Variants in ZDBF2 observed in about 807,000 individuals in gnomAD.
ZDBF2 encodes the protein DBF4-type zinc finger-containing protein 2.
A neutral mutation model predicts 9.4 loss-of-function variants in ZDBF2; 6 were observed. That is an observed-to-expected ratio of 0.64 (90% CI 0.35 to 1.27). The LOEUF is 1.27. Among genes scored for constraint, ZDBF2 ranks in the 50% most tolerant of loss-of-function variants. The pLI is 0.03. For missense variants in ZDBF2, 2,697 were observed against 2,766.8 expected (o/e 0.97, Z 0.57); for synonymous variants, 905 against 946.3 (o/e 0.96, Z 0.80).
At position 206,304,833 on chromosome 2, in the gene ZDBF2, C is replaced by T; in HGVS notation, c.305C>T (p.Ala102Val). Reference protein sequence around the residue: ...EDEDKVEDEDATEERPSEVSE... With the variant: ...EDEDKVEDEDVTEERPSEVSE... ...GAGGATAAGGTTGAGGATGAGGATG[C>T]TACCGAAGAGAGACCATCCGAGGTT... The change falls in exon 5 of 5, where the codon GCT (alanine) becomes GTT (valine). Residue 102 changes from alanine to valine, a missense_variant. Ala to Val is a moderately conservative substitution (Grantham distance 64). This residue lies in a region of ZDBF2 where 910 missense variants were observed against 973.6 expected (regional missense o/e 0.93). Coordinates refer to ENST00000374423, the MANE Select transcript of ZDBF2 (RefSeq NM_020923.3). 2 of 1,613,674 alleles carry T rather than the reference C, an allele frequency of 1.2e-6. No homozygotes were observed. The highest frequency in any genetic ancestry group is 1.7e-6 in the Non-Finnish European group (2 of 1,179,764).
chr2:206,294,386 C>T (rs921468984), intron 3 of ZDBF2, among the ~76,000 whole-genome samples: 3 of 152,134 alleles, frequency 2.0e-5, no homozygotes, highest in Non-Finnish European at 4.4e-5. Flanking sequence ...TCTAAAGGAA[C>T]GGATACCTTA....
At chr2:206,275,727 T>G (rs912899427) in intron 1 of ZDBF2, among the ~76,000 whole-genome samples, 1 of 152,164 alleles carries the variant, frequency 6.6e-6, no homozygotes, top group Admixed American at 6.5e-5. Context: ...GGAGGGACGA[T>G]GGAGGCAGCC....
At chr2:206,285,922 A>G (rs956672578) in intron 3 of ZDBF2, among the ~76,000 whole-genome samples, 3 of 152,120 alleles carry the variant, frequency 2.0e-5, no homozygotes, top group Non-Finnish European at 4.4e-5. Context: ...CCCCCAACTT[A>G]TGGTATTGGT....
rs1692728578 is a variant in ZDBF2, at chr2:206,305,433, C to T, written c.905C>T (p.Ser302Phe). 6.2e-7 allele frequency: 1 copy of T among 1,613,184 alleles called. No homozygotes were observed. Among genetic ancestry groups the T allele is most frequent in the Admixed American group, 1.7e-5 (1 of 59,852 alleles). ...MGTKGSLRVK[S>F]PSKLAVNPNK... ...ACTAAGGGCTCCTTAAGAGTTAAAT[C>T]TCCTTCCAAATTAGCAGTAAACCCG... The change falls in exon 5 of 5, where the codon TCT (serine) becomes TTT (phenylalanine). Residue 302 changes from serine to phenylalanine, a missense_variant. By Grantham distance (155) the Ser-to-Phe change is radical. Transcript: ENST00000374423.
At chr2:206,291,388 A>C (rs1383603937) in intron 3 of ZDBF2, among the ~76,000 whole-genome samples, 7 of 152,186 alleles carry the variant, frequency 4.6e-5, no homozygotes, top group African/African-American at 1.7e-4. Flanking sequence ...CTCAGGTGGA[A>C]ACGCTTGCTT....
Position 206,310,056 on chromosome 2 carries a change from T to A in ZDBF2, c.5528T>A (p.Ile1843Asn), listed in dbSNP as rs1250230134. ...ATAATGAGAGAAGATGACATAAAAA[T>A]TAATGCTCTGGTGAAGGAGTTTAGG... Reference protein sequence around the residue: ...SQIMREDDIKINALVKEFREG... With the variant: ...SQIMREDDIKNNALVKEFREG... The change falls in exon 5 of 5, where the codon ATT becomes AAT. Residue 1843 changes from isoleucine (I) to asparagine (N), a missense_variant. Transcript: ENST00000374423. 6.2e-7 allele frequency: 1 copy of A among 1,613,794 alleles called. No homozygotes were observed. Among genetic ancestry groups the A allele is most frequent in the Admixed American group, 1.7e-5 (1 of 59,978 alleles).
intron 4 of ZDBF2, among the ~76,000 whole-genome samples, chr2:206,297,928 G>A (rs1351227690): frequency 2.6e-5 from 4 of 152,116 alleles, no homozygotes; most frequent in Non-Finnish European, 5.9e-5. Flanking sequence ...TGATCCACCC[G>A]CCTTGGCCTC....
At position 206,314,319 on chromosome 2, in the gene ZDBF2, T is replaced by C. The variant is rs1223738487; in HGVS notation, c.*2726T>C. Reference sequence around the variant, plus strand: ...CTATATTTAAATATTCAAATAATTATATATTTCCATGTAAAACTAATGTGA... The same window carrying C: ...CTATATTTAAATATTCAAATAATTACATATTTCCATGTAAAACTAATGTGA... On this transcript the variant is annotated 3_prime_UTR_variant, in exon 5 of 5. Transcript: ENST00000374423. The C allele has an allele frequency of 1.3e-5, 2 of 150,674 alleles. No individual in the cohort carries two copies. Among genetic ancestry groups the C allele is most frequent in the Non-Finnish European group, 3.0e-5 (2 of 67,732 alleles). The allele number at this position is 150,674 out of a possible 1,614,324, so 9.3% of individuals were successfully genotyped here.
chr2:206,310,347 C>G lies in ZDBF2; in HGVS notation c.5819C>G (p.Ala1940Gly). 1.9e-6 allele frequency: 3 copies of G among 1,613,644 alleles called. No homozygotes were observed. The highest frequency in any genetic ancestry group is 1.1e-5 in the South Asian group (1 of 91,026). Residue 1940 changes from alanine (A) to glycine (G), a missense_variant, in exon 5 of 5, where the codon GCG becomes GGG. Physicochemically the swap from Ala to Gly is moderately conservative, Grantham distance 60. Transcript: ENST00000374423. ...KGRVASQCQTAKISHSTQTSC... is the reference protein window; with the variant it reads ...KGRVASQCQTGKISHSTQTSC... ...CGTGTGGCTTCTCAATGCCAGACAG[C>G]GAAAATCAGCCATAGTACTCAGACC...
In ZDBF2 at chr2:206,310,843, G is replaced by A. The variant is rs754381621; in HGVS notation, c.6315G>A (p.Ala2105=). 8.1e-6 allele frequency: 13 copies of A among 1,613,744 alleles called. No individual in the cohort carries two copies. The highest frequency in any genetic ancestry group is 5.0e-5 in the Admixed American group (3 of 59,986). ...CTGATGGACAAGGCTCTGCTTCAGC[G>A]CCTTTAATGGCAGTGCCGGCAAGAT... ...NDADGQGSAS[A]PLMAVPARYG... The change falls in exon 5 of 5, where the codon GCG becomes GCA. Residue 2105 remains alanine (A), a synonymous_variant. Coordinates refer to ENST00000374423, the MANE Select transcript of ZDBF2 (RefSeq NM_020923.3).
chr2:206,277,299 G>T (rs1691066364), intron 1 of ZDBF2, among the ~76,000 whole-genome samples: 1 of 148,784 alleles, frequency 6.7e-6, no homozygotes, highest in Admixed American at 6.7e-5. Context: ...AGGTGTGCAA[G>T]AAATATTTCT....
chr2:206,281,939 C>A, intron 3 of ZDBF2, 30 bp downstream of exon 3: 1 of 1,572,280 alleles, frequency 6.4e-7, no homozygotes, highest in African/African-American at 1.4e-5. Flanking sequence ...ATGATAATAT[C>A]TCAAAGGACC....
At chr2:206,290,453 C>T (rs1691829723) in intron 3 of ZDBF2, among the ~76,000 whole-genome samples, 1 of 152,150 alleles carries the variant, frequency 6.6e-6, no homozygotes. Flanking sequence ...GAATGTATAT[C>T]TTAATATTAA....
At position 206,310,757 on chromosome 2, in the gene ZDBF2, A is replaced by C; in HGVS notation, c.6229A>C (p.Asn2077His). 6.2e-7 allele frequency: 1 copy of C among 1,614,000 alleles called. No individual in the cohort carries two copies. Among genetic ancestry groups the C allele is most frequent in the Non-Finnish European group, 8.5e-7 (1 of 1,179,902 alleles). ...SVIVPEFERR[N>H]WVKIHFNRSN... is the part of the protein sequence containing the mutation. ...AATAGTACCAGAGTTTGAGAGGCGT[A>C]ACTGGGTTAAAATTCATTTTAATAG... Residue 2077 changes from asparagine to histidine, a missense_variant, in exon 5 of 5, where the codon AAC (asparagine) becomes CAC (histidine). Transcript: ENST00000374423.
At chr2:206,293,015 T>C (rs941683098) in intron 3 of ZDBF2, among the ~76,000 whole-genome samples, 1 of 152,114 alleles carries the variant, frequency 6.6e-6, no homozygotes, top group African/African-American at 2.4e-5. Flanking sequence ...AGAACTAGGA[T>C]AATCTTAAGA....
rs748503293 is a variant in ZDBF2, at chr2:206,310,861, G to A, written c.6333G>A (p.Pro2111=). The stretch of plus-strand genomic sequence containing the variant: ...CTTCAGCGCCTTTAATGGCAGTGCC[G>A]GCAAGATATGGATTTAATTCACATC... ...GSASAPLMAV[P]ARYGFNSHQG... Residue 2111 remains proline, a synonymous_variant, in exon 5 of 5, where the codon CCG becomes CCA. Transcript: ENST00000374423. 48 of 1,613,662 alleles carry A rather than the reference G, an allele frequency of 3.0e-5. No individual in the cohort carries two copies. The highest frequency in any genetic ancestry group is 2.5e-4 in the South Asian group (23 of 91,044).
intron 4 of ZDBF2, among the ~76,000 whole-genome samples, chr2:206,300,642 T>C (rs1692452982): frequency 6.6e-6 from 1 of 152,152 alleles, no homozygotes; most frequent in Admixed American, 6.5e-5. Context: ...GAAGTTACTG[T>C]TTTTCCTAAT....
In ZDBF2 at chr2:206,305,790, C is replaced by G; in HGVS notation, c.1262C>G (p.Ser421Cys). The G allele has an allele frequency of 6.2e-7, 1 of 1,613,732 alleles. No homozygotes were observed. Among genetic ancestry groups the G allele is most frequent in the Non-Finnish European group, 8.5e-7 (1 of 1,179,810 alleles). Residue 421 changes from serine to cysteine, a missense_variant, in exon 5 of 5, where the codon TCT becomes TGT. Ser to Cys is a moderately radical substitution (Grantham distance 112, BLOSUM62 -1). Coordinates refer to ENST00000374423, the MANE Select transcript of ZDBF2 (RefSeq NM_020923.3). ...SSSFHSLTDQ[S>C]KVSAKEVNLS... ...TCTTTTCATTCACTGACTGACCAAT[C>G]TAAAGTGAGTGCCAAAGAAGTAAAC...
rs1692231719 is a variant in ZDBF2 at position 206,297,240 on chromosome 2, T to G, written c.61-6T>G. 8.2e-7 allele frequency: 1 copy of G among 1,214,804 alleles called. No individual in the cohort carries two copies. Among genetic ancestry groups the G allele is most frequent in the Non-Finnish European group, 1.2e-6 (1 of 821,176 alleles). 75.3% of individuals were successfully genotyped at this position (1,214,804 alleles called of 1,614,324 possible). ...TAAAAATATTCCATTTCTTTTTTCT[T>G]TATAGCATTTGTTCAGTGCTCAGCA... On this transcript the variant is annotated splice_polypyrimidine_tract_variant and splice_region_variant and intron_variant, in intron 3 of 4. Coordinates refer to ENST00000374423, the MANE Select transcript of ZDBF2 (RefSeq NM_020923.3).
Sources: allele counts gnomAD v4.1 joint callset (sites outside exome capture counted in the v4.1 genomes callset), GRCh38; gene constraint gnomAD v4.1.1; regional missense constraint gnomAD v4.1.1; transcripts MANE v1.5; gene names NCBI Gene and HGNC (gene_info 2026-07-23, HGNC 2026-07-21).